SMOC2: variants seen among roughly 807,000 people sequenced by gnomAD.
SMOC2 encodes SPARC-related modular calcium-binding protein 2.
A neutral mutation model predicts 61.4 loss-of-function variants in SMOC2; 39 were observed. That is an observed-to-expected ratio of 0.64 (90% CI 0.49 to 0.83). SMOC2 has a LOEUF of 0.83. Among genes scored for constraint, SMOC2 ranks in the 40% least tolerant of loss-of-function variants. The pLI, the probability that SMOC2 is intolerant of heterozygous loss-of-function variation, is 0.00. For missense variants in SMOC2, 556 were observed against 592.9 expected, an observed-to-expected ratio of 0.94 and a Z score of 0.65; for synonymous variants, 247 against 239.9, an observed-to-expected ratio of 1.03 and a Z score of -0.27.
chr6:168,464,435 G>A (rs765822567), intron 1 of SMOC2, among the ~76,000 whole-genome samples: 15 of 152,174 alleles, frequency 9.9e-5, no homozygotes, highest in Middle Eastern at 3.4e-3. Flanking sequence ...CAGCCTGTCC[G>A]GTGCCATTCC....
chr6:168,515,767 A>T (rs1205436307), intron 2 of SMOC2, among the ~76,000 whole-genome samples: 1 of 151,906 alleles, frequency 6.6e-6, no homozygotes, highest in Non-Finnish European at 1.5e-5. Flanking sequence ...AAACACACTG[A>T]GCCCAGGACG....
At chr6:168,566,441 A>G (rs1024509318) in intron 7 of SMOC2, among the ~76,000 whole-genome samples, 2 of 150,472 alleles carry the variant, frequency 1.3e-5, no homozygotes, top group Non-Finnish European at 1.5e-5. Flanking sequence ...AAAGCCTCAG[A>G]CGAATTTTCA....
intron 2 of SMOC2, among the ~76,000 whole-genome samples, chr6:168,518,881 CTG>C (rs766973265): frequency 1.4e-5 from 2 of 145,870 alleles, no homozygotes; most frequent in Non-Finnish European, 3.0e-5. Flanking sequence ...ATTCATGTGT[CTG>C]AGCATGCGTG....
intron 10 of SMOC2, 127 bp from the exon 11 acceptor site, chr6:168,652,827 G>A (rs1244121196): frequency 1.0e-5 from 8 of 765,638 alleles, no homozygotes; most frequent in African/African-American, 1.8e-5. Context: ...GATGACCAGT[G>A]CTGCAGGCTG....
intron 1 of SMOC2, among the ~76,000 whole-genome samples, chr6:168,464,257 A>AGGAC (rs931927444): frequency 2.0e-5 from 3 of 151,462 alleles, no homozygotes; most frequent in African/African-American, 2.4e-5. Flanking sequence ...AAAGGAAGGA[A>AGGAC]GGACGGACGG....
chr6:168,503,833 A>G (rs1369630056), intron 1 of SMOC2, among the ~76,000 whole-genome samples: 1 of 152,010 alleles, frequency 6.6e-6, no homozygotes, highest in Non-Finnish European at 1.5e-5. Flanking sequence ...ATCAGGGAGG[A>G]TCAAAAAAAC....
At chr6:168,659,542 T>A (rs1644330409) in intron 11 of SMOC2, among the ~76,000 whole-genome samples, 4 of 148,806 alleles carry the variant, frequency 2.7e-5, no homozygotes, top group Non-Finnish European at 6.0e-5. Flanking sequence ...ATGGAGGTTG[T>A]TGGCTGGGTG....
At position 168,615,270 on chromosome 6, in the gene SMOC2, C is replaced by T. The variant is rs1255762445; in HGVS notation, c.907+7031C>T. Among the ~76,000 whole-genome samples, 53 of 89,434 alleles carry T rather than the reference C, an allele frequency of 5.9e-4. 1 individual carries two copies. Among genetic ancestry groups the T allele is most frequent in the Admixed American group, 7.9e-4 (7 of 8,826 alleles). 58.7% of individuals were successfully genotyped at this position (89,434 alleles called of 152,430 possible). ...ACAGCCAGCACGGGGCCTTTTCACA[C>T]CTACAGCCAGCATGGGGCCTCTTCA... On this transcript the variant is annotated intron_variant, in intron 9 of 12. Coordinates refer to ENST00000356284, the MANE Select transcript of SMOC2 (RefSeq NM_001166412.2).
intron 1 of SMOC2, among the ~76,000 whole-genome samples, chr6:168,483,098 T>C (rs911870997): frequency 1.3e-5 from 2 of 151,922 alleles, no homozygotes; most frequent in African/African-American, 2.4e-5. Context: ...AAGGAAGGCA[T>C]ACACATTGGA....
chr6:168,521,692 G>A (rs889852179), intron 2 of SMOC2, among the ~76,000 whole-genome samples: 2 of 152,122 alleles, frequency 1.3e-5, no homozygotes, highest in Admixed American at 1.3e-4. Context: ...AAACAAGCCT[G>A]GGCAACAAAT....
intron 1 of SMOC2, among the ~76,000 whole-genome samples, chr6:168,477,804 G>T (rs534446809): frequency 6.6e-5 from 10 of 152,256 alleles, no homozygotes; most frequent in African/African-American, 2.2e-4. Context: ...GGGATCTACT[G>T]GGGATGAAAG....
chr6:168,444,834 C>T (rs1472278012), intron 1 of SMOC2, among the ~76,000 whole-genome samples: 1 of 152,150 alleles, frequency 6.6e-6, no homozygotes. Context: ...ATGGACTGAT[C>T]CATAAGCCCA....
intron 1 of SMOC2, among the ~76,000 whole-genome samples, chr6:168,479,977 G>A (rs1025301818): frequency 1.3e-5 from 2 of 152,150 alleles, no homozygotes; most frequent in African/African-American, 4.8e-5. Flanking sequence ...GAATTAGAAA[G>A]TGACCACACA....
At chr6:168,598,368 C>T (rs1486499135) in intron 7 of SMOC2, among the ~76,000 whole-genome samples, 1 of 152,176 alleles carries the variant, frequency 6.6e-6, no homozygotes, top group African/African-American at 2.4e-5. Flanking sequence ...AGTCTAAACA[C>T]GACCTTGCCC....
rs1396264860 is a variant in SMOC2, at chr6:168,535,869, C to G, written c.464-7756C>G. Among the ~76,000 whole-genome samples the G allele has an allele frequency of 6.7e-6, 1 of 148,628 alleles. No individual in the cohort carries two copies. The highest frequency in any genetic ancestry group is 1.5e-5 in the Non-Finnish European group (1 of 67,530). On this transcript the variant is annotated intron_variant, in intron 4 of 12. Coordinates refer to ENST00000356284, the MANE Select transcript of SMOC2 (RefSeq NM_001166412.2). This position sits in a 1 kb window ranked among gnomAD's most constrained non-coding sequence, Gnocchi z 4.6. ...GCAGCAGTGATGCAGCTTCACGGCACAGGGGCGCCGCCGGGGGAAGATGGG... is the reference window on the plus strand; with the variant it reads ...GCAGCAGTGATGCAGCTTCACGGCAGAGGGGCGCCGCCGGGGGAAGATGGG...
intron 7 of SMOC2, among the ~76,000 whole-genome samples, chr6:168,558,886 TGC>T (rs1784318547): frequency 1.3e-5 from 2 of 151,434 alleles, no homozygotes; most frequent in Non-Finnish European, 2.9e-5. Flanking sequence ...TGTGCGTGTG[TGC>T]GTGTGCATGT....
chr6:168,568,553 T>C (rs1389427804), intron 7 of SMOC2, among the ~76,000 whole-genome samples: 2 of 152,122 alleles, frequency 1.3e-5, no homozygotes, highest in Non-Finnish European at 2.9e-5. Flanking sequence ...TAATGACAGG[T>C]ACCCCCCATC....
intron 4 of SMOC2, among the ~76,000 whole-genome samples, chr6:168,539,117 C>T (rs1169231639): frequency 6.6e-6 from 1 of 152,176 alleles, no homozygotes; most frequent in African/African-American, 2.4e-5. Flanking sequence ...GAAATGCCCG[C>T]ATGTCCCCTC....
intron 7 of SMOC2, among the ~76,000 whole-genome samples, chr6:168,567,841 G>C (rs1784576981): frequency 6.6e-6 from 1 of 150,910 alleles, no homozygotes; most frequent in Non-Finnish European, 1.5e-5. Context: ...AGACTGGATG[G>C]TGTGAGTCGG....
Sources: allele counts gnomAD v4.1 joint callset (sites outside exome capture counted in the v4.1 genomes callset), GRCh38; gene constraint gnomAD v4.1.1; non-coding constraint Gnocchi (gnomAD v3.1); transcripts MANE v1.5; gene names NCBI Gene and HGNC (gene_info 2026-07-23, HGNC 2026-07-21).